Variants in PHF20 observed in about 807,000 individuals in gnomAD.
The protein encoded by PHF20 is PHD finger protein 20, also known as glioma-expressed antigen 2.
In PHF20, 23 loss-of-function variants were observed where a neutral mutation model predicts 113.5. The observed-to-expected ratio is 0.20, with a 90% CI of 0.15 to 0.29. The LOEUF is 0.29. Ranked by LOEUF, PHF20 falls within the 10% of genes least tolerant of loss-of-function variation. The probability of loss-of-function intolerance (pLI) is 1.00; values close to 1 mark genes in which losing one functional copy is unlikely to be tolerated. For missense variants in PHF20, 943 were observed against 1,219.6 expected (o/e 0.77, Z 3.38); for synonymous variants, 434 against 457.3 (o/e 0.95, Z 0.65).
intron 2 of PHF20, among the ~76,000 whole-genome samples, chr20:35,812,066 C>A (rs973445845): frequency 6.6e-6 from 1 of 152,222 alleles, no homozygotes. Flanking sequence ...AGCCACAGCG[C>A]CCGGCCCCTG....
intron 3 of PHF20, among the ~76,000 whole-genome samples, chr20:35,843,786 C>T (rs1486263192): frequency 6.6e-6 from 1 of 152,032 alleles, no homozygotes; most frequent in Non-Finnish European, 1.5e-5. Flanking sequence ...GTATTGTTGC[C>T]CAGGCTGGTC....
At chr20:35,902,092 ATG>A (rs2055108543) in intron 10 of PHF20, among the ~76,000 whole-genome samples, 1 of 152,186 alleles carries the variant, frequency 6.6e-6, no homozygotes, top group Admixed American at 6.5e-5. Flanking sequence ...ATCCAGCCAT[ATG>A]TGGCTGAGTT....
chr20:35,854,968 A>G (rs1249514395), intron 4 of PHF20, among the ~76,000 whole-genome samples: 1 of 152,202 alleles, frequency 6.6e-6, no homozygotes, highest in Non-Finnish European at 1.5e-5. Flanking sequence ...ACATTACTCA[A>G]TATTGACTTT....
At chr20:35,799,358 C>T (rs998459360) in intron 1 of PHF20, among the ~76,000 whole-genome samples, 3 of 148,582 alleles carry the variant, frequency 2.0e-5, no homozygotes, top group Admixed American at 6.7e-5. Context: ...TCCAGCTACT[C>T]GGGAGGCTGA....
At chr20:35,816,787 G>GT (rs879286513) in intron 2 of PHF20, among the ~76,000 whole-genome samples, 3,977 of 139,568 alleles carry the variant, frequency 0.028, 188 homozygotes, top group African/African-American at 0.098. Flanking sequence ...AATTAAATGA[G>GT]TTTTTTTTTT....
At chr20:35,797,146 C>T (rs1415000772) in intron 1 of PHF20, among the ~76,000 whole-genome samples, 2 of 151,848 alleles carry the variant, frequency 1.3e-5, no homozygotes, top group Middle Eastern at 3.2e-3. Context: ...TATACTCAGC[C>T]TCCCAAAGTG....
At position 35,841,152 on chromosome 20, in the gene PHF20, C is replaced by T. The variant is rs191280442; in HGVS notation, c.84-1421C>T. On this transcript the variant is annotated intron_variant, in intron 2 of 17. Transcript: ENST00000374012. ...TTGAGCCCAGGAGTTTGAGACCAGC[C>T]TGGGCAACGTAACAGAACTCCATCT... 2.0e-5 allele frequency among the ~76,000 whole-genome samples: 3 copies of T among 152,044 alleles called. No individual in the cohort carries two copies. In the East Asian group the frequency reaches 5.8e-4, roughly 30 times the overall value.
intron 2 of PHF20, among the ~76,000 whole-genome samples, chr20:35,841,442 C>T (rs2042533927): frequency 6.6e-6 from 1 of 152,002 alleles, no homozygotes; most frequent in South Asian, 2.1e-4. Flanking sequence ...CTTTCCATAT[C>T]TTGACAGATA....
chr20:35,881,071 CTG>C (rs2054623873), intron 9 of PHF20, among the ~76,000 whole-genome samples: 1 of 44,854 alleles, frequency 2.2e-5, no homozygotes, highest in Non-Finnish European at 4.5e-5. Context: ...TTTTTTTTTT[CTG>C]AGACGGAGTT....
At chr20:35,793,042 TC>T (rs1303252031) in intron 1 of PHF20, among the ~76,000 whole-genome samples, 1 of 152,152 alleles carries the variant, frequency 6.6e-6, no homozygotes, top group African/African-American at 2.4e-5. Context: ...TGGCAAAAGG[TC>T]CTCTTGGAGG....
chr20:35,862,713 A>G (rs1352715736), intron 5 of PHF20, among the ~76,000 whole-genome samples: 4 of 152,204 alleles, frequency 2.6e-5, no homozygotes, highest in Admixed American at 1.3e-4. Flanking sequence ...AGCCTGGGCA[A>G]CAGAGAGAGA....
intron 17 of PHF20, 90 bp downstream of exon 17, chr20:35,941,137 C>A: frequency 9.9e-7 from 1 of 1,011,422 alleles, no homozygotes; most frequent in Non-Finnish European, 1.5e-6. Flanking sequence ...TCTGAGTTTA[C>A]AGGGACCGCT....
chr20:35,896,563 C>T (rs1259551451), intron 9 of PHF20, among the ~76,000 whole-genome samples: 3 of 151,682 alleles, frequency 2.0e-5, no homozygotes, highest in Non-Finnish European at 4.4e-5. Context: ...GTAATTCCAG[C>T]ACTCTGGGAG....
chr20:35,845,468 C>T, intron 3 of PHF20: 1 of 315,494 alleles, frequency 3.2e-6, no homozygotes, highest in South Asian at 2.5e-5. Flanking sequence ...TGGGCTCAAG[C>T]AATCCTCCTT....
intron 1 of PHF20, among the ~76,000 whole-genome samples, chr20:35,775,494 T>C (rs1480297299): frequency 1.3e-5 from 2 of 152,174 alleles, no homozygotes; most frequent in Non-Finnish European, 1.5e-5. Flanking sequence ...CGGTGGCTCA[T>C]GCTTGTAATC....
intron 9 of PHF20, among the ~76,000 whole-genome samples, chr20:35,881,539 TAAAA>T (rs373064389): frequency 2.7e-5 from 3 of 109,394 alleles, no homozygotes; most frequent in South Asian, 2.8e-4. Flanking sequence ...AGACTCTGTC[TAAAA>T]AAAAAAAAAA....
chr20:35,933,629 C>T (rs1284827859), intron 15 of PHF20, among the ~76,000 whole-genome samples: 2 of 152,084 alleles, frequency 1.3e-5, no homozygotes, highest in African/African-American at 2.4e-5. Flanking sequence ...GATCTACTGA[C>T]CTTGCGATCC....
intron 2 of PHF20, among the ~76,000 whole-genome samples, chr20:35,806,773 T>C (rs1250928477): frequency 6.6e-6 from 1 of 151,734 alleles, no homozygotes. Context: ...TTATTTGTTG[T>C]ATTCTTAGAC....
Position 35,945,919 on chromosome 20 carries a change from G to C in PHF20, c.2897-1566G>C, listed in dbSNP as rs1177324381. ...ATGGTGGTTCATGCCTGTAATCCTA[G>C]CACTTTCAAAGTGGCCAAGGCAGGT... is the stretch of plus-strand genomic sequence containing the variant. On this transcript the variant is annotated intron_variant, in intron 17 of 17. Transcript: ENST00000374012. Among the ~76,000 whole-genome samples the C allele has an allele frequency of 2.0e-5, 3 of 152,136 alleles. No homozygotes were observed. In the East Asian group the frequency reaches 5.8e-4, roughly 29 times the overall value.
Sources: gnomAD v4.1 joint callset for allele counts (sites outside exome capture counted in the v4.1 genomes callset) on GRCh38, gnomAD v4.1.1 for gene constraint, MANE v1.5 for transcripts, NCBI Gene and HGNC (gene_info 2026-07-23, HGNC 2026-07-21) for gene names.